Variants in MAT2B observed in about 807,000 individuals in gnomAD.
The protein encoded by MAT2B is methionine adenosyltransferase 2 subunit beta.
Under a neutral mutation model 36.1 loss-of-function variants are expected in MAT2B, and 16 were observed. The ratio of observed to expected loss-of-function variants is 0.44; its 90% confidence interval spans 0.30 to 0.67. The LOEUF (loss-of-function observed/expected upper bound fraction) is 0.67, where lower values mean the gene tolerates loss of function less well. Ranked by LOEUF, MAT2B falls within the 30% of genes least tolerant of loss-of-function variation. MAT2B has a pLI of 0.09. For synonymous variants in MAT2B, 148 were observed against 136.9 expected (o/e 1.08, Z -0.57); for missense variants, 332 against 398.2 (o/e 0.83, Z 1.42).
At chr5:163,516,249 T>A (rs1021334876) in intron 4 of MAT2B, among the ~76,000 whole-genome samples, 1 of 152,100 alleles carries the variant, frequency 6.6e-6, no homozygotes, top group Admixed American at 6.5e-5. Context: ...GGAGTTTTGC[T>A]ATGATGCCCG....
chr5:163,513,380 A>G, intron 2 of MAT2B, 175 bp from the exon 3 acceptor site: 1 of 528,768 alleles, frequency 1.9e-6, no homozygotes, highest in Non-Finnish European at 3.4e-6. Context: ...TTAAGTTTGA[A>G]CCTTGCGGGG....
intron 4 of MAT2B, among the ~76,000 whole-genome samples, chr5:163,516,082 G>T (rs549378861): frequency 1.0e-3 from 156 of 152,126 alleles, no homozygotes; most frequent in African/African-American, 3.7e-3. Context: ...TCACTCTGTT[G>T]CCCAGGCTGG....
At chr5:163,510,480 C>T (rs1760019715) in intron 1 of MAT2B, among the ~76,000 whole-genome samples, 1 of 149,660 alleles carries the variant, frequency 6.7e-6, no homozygotes, top group Non-Finnish European at 1.5e-5. Context: ...ATTGCAACCT[C>T]CGCCTCCTGG....
At chr5:163,518,011 G>A in intron 6 of MAT2B, 182 bp from the exon 7 acceptor site, 1 of 526,296 alleles carries the variant, frequency 1.9e-6, no homozygotes, top group Admixed American at 3.5e-5. Context: ...CCAACACTTT[G>A]GGAGGCTGAC....
At chr5:163,505,065 A>T (rs1759905133), upstream of MAT2B, among the ~76,000 whole-genome samples, 1 of 151,980 alleles carries the variant, frequency 6.6e-6, no homozygotes, top group African/African-American at 2.4e-5. Flanking sequence ...TACATTTTTG[A>T]TATCTCACAC....
chr5:163,511,275 T>A (rs369591438), intron 1 of MAT2B, among the ~76,000 whole-genome samples: 4 of 4,902 alleles, frequency 8.2e-4, no homozygotes, highest in African/African-American at 1.1e-3. Flanking sequence ...ATTAAAAAAA[T>A]TTTTTTTTTG....
At chr5:163,517,439 T>C in intron 5 of MAT2B, 122 bp from the exon 6 acceptor site, 1 of 540,030 alleles carries the variant, frequency 1.9e-6, no homozygotes, top group South Asian at 2.7e-5. Context: ...TGGAGACCTT[T>C]CCAGAAAAAG....
At chr5:163,512,434 C>G in intron 2 of MAT2B, 1 of 537,376 alleles carries the variant, frequency 1.9e-6, no homozygotes, top group African/African-American at 1.9e-5. Flanking sequence ...TTATAGAGTG[C>G]CTTCTAAGTA....
intron 1 of MAT2B, among the ~76,000 whole-genome samples, chr5:163,509,447 CGAT>C: frequency 6.6e-6 from 1 of 152,264 alleles, no homozygotes; most frequent in East Asian, 1.9e-4. Context: ...CTCCAAATCA[CGAT>C]GATCAGCATC....
upstream of MAT2B, among the ~76,000 whole-genome samples, chr5:163,505,055 T>C (rs1172394750): frequency 6.6e-6 from 1 of 152,212 alleles, no homozygotes; most frequent in East Asian, 1.9e-4. Flanking sequence ...AAAATAGTTT[T>C]ACATTTTTGA....
intron 3 of MAT2B, 59 bp downstream of exon 3, chr5:163,513,728 A>G: frequency 6.5e-7 from 1 of 1,543,948 alleles, no homozygotes; most frequent in Non-Finnish European, 8.9e-7. Context: ...GTTTTTAGAA[A>G]TTAAGGTTTT....
chr5:163,504,623 T>C (rs768946996), upstream of MAT2B, among the ~76,000 whole-genome samples: 1 of 152,248 alleles, frequency 6.6e-6, no homozygotes, highest in African/African-American at 2.4e-5. Context: ...ACCCTTGGAC[T>C]GTTCGGTGCA....
chr5:163,518,150 T>A lies in MAT2B; in HGVS notation c.835-43T>A, dbSNP rs753390327. 8 of 1,464,334 alleles carry A rather than the reference T, an allele frequency of 5.5e-6. 1 individual carries two copies. In the South Asian group the frequency reaches 1.0e-4, roughly 19 times the overall value. The allele number at this position is 1,464,334 out of a possible 1,614,324, so 90.7% of individuals were successfully genotyped here. On this transcript the variant is annotated intron_variant, in intron 6 of 6. Coordinates refer to ENST00000321757, the MANE Select transcript of MAT2B (RefSeq NM_013283.5). ...GGAACAAAGCCCTCAAAATATAGCC[T>A]TTCACTTACTTTTGATTTTTTTGTG... is the stretch of plus-strand genomic sequence containing the variant.
intron 4 of MAT2B, among the ~76,000 whole-genome samples, chr5:163,514,620 T>C (rs1419769751): frequency 6.6e-6 from 1 of 152,008 alleles, no homozygotes; most frequent in Non-Finnish European, 1.5e-5. Flanking sequence ...CTGTTTTTTT[T>C]CCCTCAACAT....
upstream of MAT2B, chr5:163,505,581 T>C (rs78092707): frequency 8.7e-4 from 1,086 of 1,247,144 alleles, 12 homozygotes; most frequent in African/African-American, 0.013. Context: ...GCGGGGTCGT[T>C]CTGGGCCTAG....
chr5:163,506,865 A>T (rs1276706170), intron 1 of MAT2B, among the ~76,000 whole-genome samples: 1 of 152,204 alleles, frequency 6.6e-6, no homozygotes, highest in Non-Finnish European at 1.5e-5. Context: ...AAATGAAACA[A>T]CGAAGAGCTT....
Position 163,513,591 on chromosome 5 carries a change from C to A in MAT2B, c.295C>A (p.Pro99Thr). 6.2e-7 allele frequency: 1 copy of A among 1,613,286 alleles called. No individual in the cohort carries two copies. The highest frequency in any genetic ancestry group is 1.1e-5 in the South Asian group (1 of 91,050). ...AGTACATTGTGCAGCAGAGAGAAGA[C>A]CAGATGTTGTAGAAAATCAGCCAGA... Reference protein sequence around the residue: ...VIVHCAAERRPDVVENQPDAA... With the variant: ...VIVHCAAERRTDVVENQPDAA... The change falls in exon 3 of 7, where the codon CCA becomes ACA. Residue 99 changes from proline (P) to threonine (T), a missense_variant. Coordinates refer to ENST00000321757, the MANE Select transcript of MAT2B (RefSeq NM_013283.5).
In MAT2B at chr5:163,513,674, T is replaced by C. The variant is rs191980671; in HGVS notation, c.373+5T>C. 1,284 of 1,603,772 alleles carry C rather than the reference T, an allele frequency of 8.0e-4. No individual in the cohort carries two copies. The highest frequency in any genetic ancestry group is 9.9e-4 in the Non-Finnish European group (1,161 of 1,172,832). On this transcript the variant is annotated splice_donor_5th_base_variant and intron_variant, in intron 3 of 6. Transcript: ENST00000321757. ...GGAATTTAGCAAAGGAAGCAGGTAA[T>C]GATGACTTTATAAAATTTTCATAAA...
Position 163,517,657 on chromosome 5 carries a change from A to G in MAT2B, c.817A>G (p.Ser273Gly). The G allele has an allele frequency of 6.2e-7, 1 of 1,612,098 alleles. No homozygotes were observed. The highest frequency in any genetic ancestry group is 8.5e-7 in the Non-Finnish European group (1 of 1,178,176). Residue 273 changes from serine (S) to glycine (G), a missense_variant, in exon 6 of 7, where the codon AGC (serine) becomes GGC (glycine). Transcript: ENST00000321757. ...CAIADAFNLP[S>G]SHLRPITDSP... ...AATTGCAGATGCCTTCAACCTCCCC[A>G]GCAGTCACTTAAGACCTGTAAGTAC...
Sources: gnomAD v4.1 joint callset for allele counts (sites outside exome capture counted in the v4.1 genomes callset) on GRCh38, gnomAD v4.1.1 for gene constraint, MANE v1.5 for transcripts, NCBI Gene and HGNC (gene_info 2026-07-23, HGNC 2026-07-21) for gene names.